Variants in RPS6KB1 observed in about 807,000 individuals in gnomAD.
The protein encoded by RPS6KB1 is ribosomal protein S6 kinase beta-1.
In RPS6KB1, 12 loss-of-function variants were observed where a neutral mutation model predicts 70.2. The observed-to-expected ratio is 0.17, with a 90% confidence interval of 0.11 to 0.28. The LOEUF (loss-of-function observed/expected upper bound fraction) is 0.28. RPS6KB1 is among the 10% of genes least tolerant of loss of function. The pLI is 1.00. For synonymous variants in RPS6KB1, 175 were observed against 211.2 expected (o/e 0.83, Z 1.49); for missense variants, 270 against 646.6 (o/e 0.42, Z 6.32).
At chr17:59,916,379 C>A (rs879289257) in intron 4 of RPS6KB1, among the ~76,000 whole-genome samples, 1 of 152,204 alleles carries the variant, frequency 6.6e-6, no homozygotes, top group African/African-American at 2.4e-5. Flanking sequence ...GGATTACAGG[C>A]GTGAGCCACC....
In RPS6KB1 at chr17:59,933,956, A is replaced by G. The variant is rs114266775; in HGVS notation, c.689-214A>G. Among the ~76,000 whole-genome samples the G allele has an allele frequency of 4.2e-3, 643 of 152,308 alleles. 6 individuals are homozygous for G. Among genetic ancestry groups the G allele is most frequent in the African/African-American group, 0.014 (587 of 41,564 alleles). ...TCTCTATCTTTATTTTCTCTTTACT[A>G]GATAGATTGTATCATTGGCAAAAGG... On this transcript the variant is annotated intron_variant, in intron 7 of 14. Coordinates refer to ENST00000225577, the MANE Select transcript of RPS6KB1 (RefSeq NM_003161.4).
At position 59,914,694 on chromosome 17, in the gene RPS6KB1, G is replaced by C. The variant is rs769960397; in HGVS notation, c.372G>C (p.Val124=). The C allele has an allele frequency of 6.2e-7, 1 of 1,609,734 alleles. No homozygotes were observed. Among genetic ancestry groups the C allele is most frequent in the Non-Finnish European group, 8.5e-7 (1 of 1,177,936 alleles). ...ANTGKIFAMK[V]LKKAMIVRNA... is the part of the protein sequence containing the mutation. ...CTGGGAAAATATTTGCCATGAAGGT[G>C]CTTAAAAAGGTGATTTCCACTCCCC... Residue 124 remains valine (V), a synonymous_variant, in exon 4 of 15, where the codon GTG becomes GTC. Coordinates refer to ENST00000225577, the MANE Select transcript of RPS6KB1 (RefSeq NM_003161.4).
intron 1 of RPS6KB1, among the ~76,000 whole-genome samples, chr17:59,897,725 G>T (rs1402291223): frequency 2.6e-5 from 4 of 152,134 alleles, no homozygotes; most frequent in African/African-American, 9.7e-5. Context: ...CCAGCACTTT[G>T]GGAGGCCGAG....
chr17:59,894,981 TTTTTCTTTTC>T (rs60799718), intron 1 of RPS6KB1, among the ~76,000 whole-genome samples: 6,076 of 150,976 alleles, frequency 0.04, 373 homozygotes, highest in African/African-American at 0.14. Flanking sequence ...AGTTGTGTGC[TTTTTCTTTTC>T]TTTTCTTTTC....
intron 4 of RPS6KB1, among the ~76,000 whole-genome samples, chr17:59,919,427 C>A (rs2043144455): frequency 6.6e-6 from 1 of 152,042 alleles, no homozygotes; most frequent in East Asian, 1.9e-4. Context: ...TGTGCTCTAG[C>A]TTGGACAACA....
chr17:59,936,191 C>T, intron 10 of RPS6KB1, 24 bp from the exon 11 acceptor site: 1 of 1,587,608 alleles, frequency 6.3e-7, no homozygotes, highest in Non-Finnish European at 8.5e-7. Flanking sequence ...GGTTCTTTAT[C>T]CAAGCTTTTT....
At chr17:59,924,806 TTTTA>T (rs2043501203) in intron 4 of RPS6KB1, among the ~76,000 whole-genome samples, 1 of 150,710 alleles carries the variant, frequency 6.6e-6, no homozygotes, top group Admixed American at 6.6e-5. Flanking sequence ...TTTTTCTTAT[TTTTA>T]TTTTATTTAT....
Position 59,893,169 on chromosome 17 carries a change from C to A in RPS6KB1, c.-16C>A. On this transcript the variant is annotated 5_prime_UTR_variant, in exon 1 of 15. Transcript: ENST00000225577. The surrounding 1 kb of genome is among the most constrained non-coding windows in gnomAD (Gnocchi z 4.1). ...ATGGCGGCAGCGGCTGTGGTGGCTG[C>A]GGCGGGTCCGGGCCCATGAGGCGAC... The A allele has an allele frequency of 2.6e-6, 4 of 1,540,998 alleles. No homozygotes were observed. The highest frequency in any genetic ancestry group is 1.3e-5 in the African/African-American group (1 of 74,334).
chr17:59,900,650 C>G (rs908487777), intron 1 of RPS6KB1, among the ~76,000 whole-genome samples: 1 of 152,140 alleles, frequency 6.6e-6, no homozygotes, highest in Non-Finnish European at 1.5e-5. Context: ...AGGCGTGAGC[C>G]ACGCGCCTGG....
Position 59,934,413 on chromosome 17 carries a change from A to C in RPS6KB1, c.780-21A>C. ...TATGCAAATGGGTGAATTTTTAAGC[A>C]TATTATTTTCCTCATTGTAGGGCCC... On this transcript the variant is annotated intron_variant, in intron 8 of 14. Transcript: ENST00000225577. The surrounding 1 kb of genome is among the most constrained non-coding windows in gnomAD (Gnocchi z 4.8). 1.1e-5 allele frequency: 18 copies of C among 1,602,880 alleles called. No individual in the cohort carries two copies. Among genetic ancestry groups the C allele is most frequent in the Non-Finnish European group, 1.5e-5 (18 of 1,170,012 alleles).
At chr17:59,907,008 T>G (rs1337649187) in intron 1 of RPS6KB1, 1 of 148,712 alleles carries the variant, frequency 6.7e-6, no homozygotes, top group Non-Finnish European at 1.5e-5. Flanking sequence ...CATTTCTTCT[T>G]TTTTTTTTTT....
intron 4 of RPS6KB1, among the ~76,000 whole-genome samples, chr17:59,915,783 T>TAA (rs1555648327): frequency 1.8e-5 from 2 of 112,224 alleles, no homozygotes; most frequent in Non-Finnish European, 3.7e-5. Flanking sequence ...ATCTTTTTTT[T>TAA]TTTTTTTTTT....
chr17:59,926,121 T>G lies in RPS6KB1; in HGVS notation c.382-314T>G, dbSNP rs1231877133. The stretch of plus-strand genomic sequence containing the variant: ...ACAGGGCATTCCTTCTATTCTGCTT[T>G]CTTGGCACAGCCTGGAGGATGGTAG... On this transcript the variant is annotated intron_variant, in intron 4 of 14. Coordinates refer to ENST00000225577, the MANE Select transcript of RPS6KB1 (RefSeq NM_003161.4). Among the ~76,000 whole-genome samples the G allele has an allele frequency of 3.3e-5, 5 of 152,204 alleles. No homozygotes were observed. In the South Asian group the frequency reaches 1.0e-3, roughly 31 times the overall value.
chr17:59,937,999 C>A (rs1408507327), intron 12 of RPS6KB1, among the ~76,000 whole-genome samples: 1 of 151,998 alleles, frequency 6.6e-6, no homozygotes, highest in African/African-American at 2.4e-5. Flanking sequence ...AATGTCCCCA[C>A]TTTAAAAAAC....
intron 1 of RPS6KB1, among the ~76,000 whole-genome samples, chr17:59,895,505 T>A (rs1239331955): frequency 1.3e-5 from 2 of 151,146 alleles, no homozygotes; most frequent in South Asian, 2.1e-4. Context: ...TGTATTTTAG[T>A]AGAGATGGGG....
intron 1 of RPS6KB1, among the ~76,000 whole-genome samples, chr17:59,903,905 T>G (rs1468784915): frequency 2.6e-5 from 4 of 152,044 alleles, no homozygotes; most frequent in Non-Finnish European, 5.9e-5. Flanking sequence ...ATCTTTTTCT[T>G]TATATATTTT....
At chr17:59,905,650 T>TG (rs2042221524) in intron 1 of RPS6KB1, among the ~76,000 whole-genome samples, 1 of 150,780 alleles carries the variant, frequency 6.6e-6, no homozygotes, top group Non-Finnish European at 1.5e-5. Context: ...GATTACAGGC[T>TG]CCCGCCACAA....
chr17:59,900,630 C>T (rs1598640782), intron 1 of RPS6KB1, among the ~76,000 whole-genome samples: 1 of 152,060 alleles, frequency 6.6e-6, no homozygotes, highest in East Asian at 1.9e-4. Flanking sequence ...CCCCAAAGTG[C>T]TGGGATTACA....
At position 59,946,770 on chromosome 17, in the gene RPS6KB1, C is replaced by T; in HGVS notation, c.1560C>T (p.His520=). The change falls in exon 15 of 15, where the codon CAC becomes CAT. Residue 520 remains histidine (H), a synonymous_variant. Coordinates refer to ENST00000225577, the MANE Select transcript of RPS6KB1 (RefSeq NM_003161.4). The surrounding 1 kb of genome is among the most constrained non-coding windows in gnomAD (Gnocchi z 4.2). Reference sequence around the variant, plus strand: ...CCATGATCTCCAAACGGCCAGAGCACCTGCGTATGAATCTATGACAGAGCA... The same window carrying T: ...CCATGATCTCCAAACGGCCAGAGCATCTGCGTATGAATCTATGACAGAGCA... ...AFPMISKRPE[H]LRMNL 6.2e-7 allele frequency: 1 copy of T among 1,614,062 alleles called. No individual in the cohort carries two copies. The highest frequency in any genetic ancestry group is 8.5e-7 in the Non-Finnish European group (1 of 1,180,002).
Sources: gnomAD v4.1 joint callset for allele counts (sites outside exome capture counted in the v4.1 genomes callset) on GRCh38, gnomAD v4.1.1 for gene constraint, Gnocchi (gnomAD v3.1) non-coding constraint, MANE v1.5 for transcripts, NCBI Gene and HGNC (gene_info 2026-07-23, HGNC 2026-07-21) for gene names.